Variants in CSMD1 observed in about 807,000 individuals in gnomAD.
The protein encoded by CSMD1 is CUB and sushi domain-containing protein 1.
A neutral mutation model predicts 417.5 loss-of-function variants in CSMD1; 213 were observed. The observed-to-expected ratio is 0.51, with a 90% CI of 0.46 to 0.57. The LOEUF (loss-of-function observed/expected upper bound fraction) is 0.57. Among genes scored for constraint, CSMD1 ranks in the 20% least tolerant of loss-of-function variants. The pLI is 0.00. For missense variants in CSMD1, 6,923 were observed against 4,529.7 expected (o/e 1.53, Z -15.17); for synonymous variants, 2,862 against 1,736.8 (o/e 1.65, Z -16.11).
At chr8:3,541,307 A>C (rs1287875357) in intron 10 of CSMD1, among the ~76,000 whole-genome samples, 1 of 152,214 alleles carries the variant, frequency 6.6e-6, no homozygotes, top group Non-Finnish European at 1.5e-5. Flanking sequence ...GTTCTCACTT[A>C]TAAGTGGGAG....
rs112729289 is a variant in CSMD1 at position 3,569,693 on chromosome 8, T to A, written c.1344+5252A>T. ...TACACTTTCATCAACGTGCACTTAA[T>A]TGAGAAACCCACTTACTTGGAATGT... On this transcript the variant is annotated intron_variant, in intron 10 of 69. Coordinates refer to ENST00000635120, the MANE Select transcript of CSMD1 (RefSeq NM_033225.6). Among the ~76,000 whole-genome samples the A allele has an allele frequency of 2.6e-5, 4 of 152,318 alleles. 1 individual carries two copies. The highest frequency in any genetic ancestry group is 9.6e-5 in the African/African-American group (4 of 41,564).
At chr8:4,948,103 A>T (rs1292488349) in intron 1 of CSMD1, among the ~76,000 whole-genome samples, 7 of 151,898 alleles carry the variant, frequency 4.6e-5, no homozygotes, top group Admixed American at 2.6e-4. Flanking sequence ...AGTGCCAATT[A>T]TTTTCCAAAT....
intron 7 of CSMD1, among the ~76,000 whole-genome samples, chr8:3,644,049 A>G (rs1478287846): frequency 6.6e-6 from 1 of 152,206 alleles, no homozygotes; most frequent in African/African-American, 2.4e-5. Context: ...AAGGAATCAA[A>G]GCTTCCAACT....
Position 2,973,180 on chromosome 8 carries a change from C to G in CSMD1, c.8860G>C (p.Gly2954Arg). The part of the protein sequence containing the change: ...FSCEMGHQLR[G>R]SPERTCLLNG... ...AGCAAACACGTGCGTTCAGGGGAGC[C>G]CCTCAGCTGGTGCCCCATTTCACAG... is the stretch of plus-strand genomic sequence containing the variant. Residue 2954 changes from glycine to arginine, a missense_variant, in exon 57 of 70, where the codon GGC (glycine) becomes CGC (arginine). By Grantham distance (125) the Gly-to-Arg change is moderately radical. Coordinates refer to ENST00000635120, the MANE Select transcript of CSMD1 (RefSeq NM_033225.6). 3 of 1,613,776 alleles carry G rather than the reference C, an allele frequency of 1.9e-6. No homozygotes were observed. Among genetic ancestry groups the G allele is most frequent in the Non-Finnish European group, 1.7e-6 (2 of 1,179,756 alleles).
At chr8:4,929,120 T>A (rs959946356) in intron 1 of CSMD1, among the ~76,000 whole-genome samples, 8 of 152,062 alleles carry the variant, frequency 5.3e-5, no homozygotes, top group African/African-American at 1.9e-4. Context: ...TCAGTCCCAC[T>A]GGTGTCTTTA....
rs1288336538 is a variant in CSMD1 at position 4,451,619 on chromosome 8, A to G, written c.303-31554T>C. 2.0e-5 allele frequency among the ~76,000 whole-genome samples: 3 copies of G among 152,306 alleles called. No individual in the cohort carries two copies. In the East Asian group the frequency reaches 5.8e-4, roughly 29 times the overall value. On this transcript the variant is annotated intron_variant, in intron 2 of 69. Transcript: ENST00000635120. ...GACCATTTTAGAGGTTATATTCAAG[A>G]AGGAATCTACTAGAAGGTAATGTTA...
At chr8:4,659,692 G>C (rs1804462723) in intron 1 of CSMD1, among the ~76,000 whole-genome samples, 1 of 152,132 alleles carries the variant, frequency 6.6e-6, no homozygotes, top group Non-Finnish European at 1.5e-5. Flanking sequence ...CTTTTTGGAT[G>C]ATAAACTGTT....
intron 1 of CSMD1, among the ~76,000 whole-genome samples, chr8:4,705,446 A>C (rs1490808934): frequency 6.6e-6 from 1 of 152,204 alleles, no homozygotes; most frequent in African/African-American, 2.4e-5. Context: ...CCTGTCATTC[A>C]AAAGTGTGCT....
At chr8:4,550,499 TTAAC>T (rs1377209084) in intron 2 of CSMD1, among the ~76,000 whole-genome samples, 1 of 152,160 alleles carries the variant, frequency 6.6e-6, no homozygotes, top group Non-Finnish European at 1.5e-5. Flanking sequence ...TTCTCTATCT[TTAAC>T]TGTGCGGAAG....
intron 6 of CSMD1, among the ~76,000 whole-genome samples, chr8:3,740,996 C>T (rs909522950): frequency 1.3e-5 from 2 of 151,996 alleles, no homozygotes; most frequent in Non-Finnish European, 2.9e-5. Flanking sequence ...GGACGGATCA[C>T]CTCAGGTCAG....
chr8:3,991,707 C>T (rs1814765040), intron 5 of CSMD1, among the ~76,000 whole-genome samples: 2 of 152,134 alleles, frequency 1.3e-5, no homozygotes. Flanking sequence ...AGTGCCGACA[C>T]ACTGCTTCCA....
chr8:4,397,523 C>CTTTTTTTTTTTTT (rs57745028), intron 3 of CSMD1, among the ~76,000 whole-genome samples: 5 of 59,932 alleles, frequency 8.3e-5, no homozygotes, highest in African/African-American at 3.0e-4. Context: ...GCCTGAGACT[C>CTTTTTTTTTTTTT]TTTTTTTTTT....
At chr8:4,934,642 T>C (rs1170100531) in intron 1 of CSMD1, among the ~76,000 whole-genome samples, 1 of 134,644 alleles carries the variant, frequency 7.4e-6, no homozygotes, top group South Asian at 2.4e-4. Flanking sequence ...CTATATATCA[T>C]GTATTTATTG....
rs1563253891 is a variant in CSMD1 at position 3,307,830 on chromosome 8, G to C, written c.3824-9C>G. The C allele has an allele frequency of 6.2e-7, 1 of 1,607,424 alleles. No individual in the cohort carries two copies. On this transcript the variant is annotated splice_polypyrimidine_tract_variant and intron_variant, in intron 24 of 69. Coordinates refer to ENST00000635120, the MANE Select transcript of CSMD1 (RefSeq NM_033225.6). ...CTGACCACCACATTCCGCTGTAGAA[G>C]ACACAGAGAGATGGGAACGTTCAGC...
chr8:4,756,448 C>G (rs146159447), intron 1 of CSMD1, among the ~76,000 whole-genome samples: 1 of 152,040 alleles, frequency 6.6e-6, no homozygotes, highest in Non-Finnish European at 1.5e-5. Flanking sequence ...TTCCTAAACG[C>G]TAAAAGTTAA....
intron 1 of CSMD1, among the ~76,000 whole-genome samples, chr8:4,850,917 T>TCCC (rs1801439173): frequency 7.1e-6 from 1 of 140,552 alleles, no homozygotes; most frequent in Non-Finnish European, 1.6e-5. Flanking sequence ...CCCCCCCACT[T>TCCC]TTTGTGGTTA....
intron 2 of CSMD1, among the ~76,000 whole-genome samples, chr8:4,632,422 G>C (rs1277530638): frequency 6.6e-6 from 1 of 152,140 alleles, no homozygotes; most frequent in Non-Finnish European, 1.5e-5. Context: ...TGAGACAGCA[G>C]AATTGCTTAA....
At chr8:4,422,294 T>C (rs1797291296) in intron 2 of CSMD1, among the ~76,000 whole-genome samples, 1 of 152,186 alleles carries the variant, frequency 6.6e-6, no homozygotes, top group East Asian at 1.9e-4. Context: ...TTTGTGGCAT[T>C]GACACTACCC....
At chr8:4,990,536 T>C (rs1811407232) in intron 1 of CSMD1, among the ~76,000 whole-genome samples, 1 of 152,124 alleles carries the variant, frequency 6.6e-6, no homozygotes, top group Non-Finnish European at 1.5e-5. Context: ...GCTAATTTCG[T>C]ATTTTTTTTG....
Sources: gnomAD v4.1 joint callset for allele counts (sites outside exome capture counted in the v4.1 genomes callset) on GRCh38, gnomAD v4.1.1 for gene constraint, MANE v1.5 for transcripts, NCBI Gene and HGNC (gene_info 2026-07-23, HGNC 2026-07-21) for gene names.